The following ANKS1B variants were observed in gnomAD, a reference collection of about 807,000 sequenced individuals.
ANKS1B encodes ankyrin repeat and sterile alpha motif domain containing 1B, also known as ankyrin repeat and sterile alpha motif domain-containing protein 1B.
ANKS1B carries 36 observed loss-of-function variants against 148.3 expected under a neutral mutation model. The ratio of observed to expected loss-of-function variants is 0.24; its 90% CI spans 0.19 to 0.32. ANKS1B has a LOEUF of 0.32. Ranked by LOEUF, ANKS1B falls within the 10% of genes least tolerant of loss-of-function variation. ANKS1B has a pLI of 1.00. For missense variants in ANKS1B, 1,157 were observed against 1,542.6 expected, an observed-to-expected ratio of 0.75 and a Z score of 4.19; for synonymous variants, 542 against 560.8, an observed-to-expected ratio of 0.97 and a Z score of 0.47.
chr12:99,900,237 G>A (rs1159886786), intron 1 of ANKS1B, among the ~76,000 whole-genome samples: 8 of 151,674 alleles, frequency 5.3e-5, no homozygotes, highest in African/African-American at 1.9e-4. Flanking sequence ...GCCATGTGCT[G>A]TGGCTCACGC....
intron 17 of ANKS1B, among the ~76,000 whole-genome samples, chr12:98,977,323 C>T (rs1284618028): frequency 6.6e-6 from 1 of 152,102 alleles, no homozygotes; most frequent in African/African-American, 2.4e-5. Context: ...CATTTCATTG[C>T]AAAGATGGAA....
intron 12 of ANKS1B, among the ~76,000 whole-genome samples, chr12:99,373,938 T>G (rs2093270032): frequency 6.6e-6 from 1 of 152,142 alleles, no homozygotes; most frequent in Non-Finnish European, 1.5e-5. Flanking sequence ...TGTAAATCAA[T>G]GCATTGCTTC....
chr12:99,708,724 A>C (rs2056200262), intron 8 of ANKS1B, among the ~76,000 whole-genome samples: 1 of 152,124 alleles, frequency 6.6e-6, no homozygotes, highest in South Asian at 2.1e-4. Flanking sequence ...GATTACATTT[A>C]GGGTCCACCC....
At chr12:99,837,581 G>A (rs973115424) in intron 1 of ANKS1B, among the ~76,000 whole-genome samples, 8 of 152,060 alleles carry the variant, frequency 5.3e-5, no homozygotes, top group Non-Finnish European at 1.0e-4. Flanking sequence ...CATGTGAGAC[G>A]GGGGCTTTTA....
Position 99,584,711 on chromosome 12 carries a change from A to G in ANKS1B, c.1272+70356T>C, listed in dbSNP as rs556393274. 1.2e-4 allele frequency among the ~76,000 whole-genome samples: 18 copies of G among 152,266 alleles called. No individual in the cohort carries two copies. In the South Asian group the frequency reaches 2.3e-3, roughly 19 times the overall value. The stretch of plus-strand genomic sequence containing the variant: ...TCCACAGGGGTGTGGAGGTCTCACA[A>G]TCATGGCAGAAGGTGAATGAGGAGC... On this transcript the variant is annotated intron_variant, in intron 9 of 26. Coordinates refer to ENST00000683438, the MANE Select transcript of ANKS1B (RefSeq NM_001352186.2).
At chr12:99,080,534 T>C (rs987309439) in intron 16 of ANKS1B, among the ~76,000 whole-genome samples, 3 of 152,196 alleles carry the variant, frequency 2.0e-5, no homozygotes, top group African/African-American at 4.8e-5. Context: ...TGTGCTGAAA[T>C]ATACTGTCAA....
chr12:99,143,577 C>T (rs2071796464), intron 15 of ANKS1B, among the ~76,000 whole-genome samples: 1 of 152,026 alleles, frequency 6.6e-6, no homozygotes. Context: ...AAAAACTAAA[C>T]TGAAAGATAG....
intron 1 of ANKS1B, among the ~76,000 whole-genome samples, chr12:99,831,304 G>T (rs760139352): frequency 3.0e-4 from 45 of 150,892 alleles, no homozygotes; most frequent in Non-Finnish European, 6.0e-4. Flanking sequence ...ATAATATTCA[G>T]TAATGGTTAG....
intron 18 of ANKS1B, chr12:98,831,494 T>G: frequency 6.6e-6 from 1 of 152,558 alleles, no homozygotes; most frequent in Non-Finnish European, 1.5e-5. Flanking sequence ...GTAGATGGGG[T>G]GTGGGATGGG....
intron 9 of ANKS1B, among the ~76,000 whole-genome samples, chr12:99,568,638 TTC>T (rs2097421780): frequency 6.6e-6 from 1 of 152,226 alleles, no homozygotes; most frequent in African/African-American, 2.4e-5. Context: ...AATTCTTATA[TTC>T]TCTGACAAAA....
chr12:99,976,006 C>T (rs554553910), intron 1 of ANKS1B, among the ~76,000 whole-genome samples: 4 of 152,216 alleles, frequency 2.6e-5, no homozygotes, highest in African/African-American at 9.6e-5. Flanking sequence ...CCATGGAATA[C>T]TAGGTAGCCA....
chr12:99,450,500 G>A (rs2152818168), intron 10 of ANKS1B, among the ~76,000 whole-genome samples: 1 of 152,268 alleles, frequency 6.6e-6, no homozygotes, highest in South Asian at 2.1e-4. Context: ...GGAACTCCCT[G>A]CAAACTGTAA....
At chr12:99,859,803 C>T (rs1031902613) in intron 1 of ANKS1B, among the ~76,000 whole-genome samples, 25 of 151,980 alleles carry the variant, frequency 1.6e-4, no homozygotes, top group African/African-American at 2.2e-4. Flanking sequence ...CCTGCCACCA[C>T]GCCTGGCTAA....
intron 1 of ANKS1B, among the ~76,000 whole-genome samples, chr12:99,889,872 C>G (rs893417380): frequency 2.6e-5 from 4 of 152,092 alleles, no homozygotes; most frequent in Non-Finnish European, 5.9e-5. Flanking sequence ...CTTCCAGAAT[C>G]ATACTCACAG....
At chr12:99,770,428 A>G (rs2063082649) in intron 8 of ANKS1B, among the ~76,000 whole-genome samples, 1 of 152,174 alleles carries the variant, frequency 6.6e-6, no homozygotes, top group Non-Finnish European at 1.5e-5. Flanking sequence ...GTACTTGACT[A>G]AACTTTTTGC....
intron 12 of ANKS1B, chr12:99,344,920 G>A (rs2090454671): frequency 6.6e-6 from 1 of 151,958 alleles, no homozygotes; most frequent in African/African-American, 2.4e-5. Flanking sequence ...CTTCTCTCAT[G>A]GTAATCACTG....
intron 10 of ANKS1B, among the ~76,000 whole-genome samples, chr12:99,467,308 C>A (rs930082965): frequency 6.6e-6 from 1 of 152,082 alleles, no homozygotes; most frequent in East Asian, 1.9e-4. Context: ...TAAGAGCTAA[C>A]TATGACAAAC....
chr12:99,055,218 C>A (rs904570574), intron 16 of ANKS1B, among the ~76,000 whole-genome samples: 1 of 152,206 alleles, frequency 6.6e-6, no homozygotes, highest in African/African-American at 2.4e-5. Context: ...TGAACTAACT[C>A]TGTTAACCTA....
At chr12:98,836,786 A>C (rs1015477874) in intron 17 of ANKS1B, among the ~76,000 whole-genome samples, 8 of 152,206 alleles carry the variant, frequency 5.3e-5, no homozygotes, top group Non-Finnish European at 1.5e-5. Context: ...GGAGTAAAAG[A>C]CAAAATAATG....
Sources: gnomAD v4.1 joint callset for allele counts (sites outside exome capture counted in the v4.1 genomes callset) on GRCh38, gnomAD v4.1.1 for gene constraint, MANE v1.5 for transcripts, NCBI Gene and HGNC (gene_info 2026-07-23, HGNC 2026-07-21) for gene names.